ME3: variants seen among roughly 807,000 people sequenced by gnomAD.
ME3 encodes malic enzyme 3.
ME3 carries 48 observed loss-of-function variants against 68.9 expected under a neutral mutation model. The ratio of observed to expected loss-of-function variants is 0.70; its 90% confidence interval spans 0.55 to 0.89. The LOEUF is 0.89. Among genes scored for constraint, ME3 ranks in the 40% least tolerant of loss-of-function variants. The pLI, the probability that ME3 is intolerant of heterozygous loss-of-function variation, is 0.00. For synonymous variants in ME3, 320 were observed against 318.8 expected, an observed-to-expected ratio of 1.00 and a Z score of -0.04; for missense variants, 675 against 797.4, an observed-to-expected ratio of 0.85 and a Z score of 1.85.
At chr11:86,574,405 G>C (rs923908989) in intron 2 of ME3, among the ~76,000 whole-genome samples, 4 of 149,086 alleles carry the variant, frequency 2.7e-5, no homozygotes, top group South Asian at 2.2e-4. Context: ...GCCGGGGGGG[G>C]GGGGGGTGTC....
chr11:86,455,673 C>T (rs1949877093), intron 8 of ME3, among the ~76,000 whole-genome samples: 1 of 152,160 alleles, frequency 6.6e-6, no homozygotes, highest in African/African-American at 2.4e-5. Context: ...GACCATTTTG[C>T]AGTTCATTAT....
chr11:86,598,792 C>T (rs562320741), intron 2 of ME3, among the ~76,000 whole-genome samples: 28 of 152,276 alleles, frequency 1.8e-4, no homozygotes, highest in African/African-American at 3.1e-4. Context: ...TCGCGGATCA[C>T]GAAAATCCAC....
At chr11:86,579,509 C>CT (rs1311077828) in intron 2 of ME3, among the ~76,000 whole-genome samples, 2 of 152,196 alleles carry the variant, frequency 1.3e-5, no homozygotes, top group Non-Finnish European at 2.9e-5. Context: ...TGTCATGTGT[C>CT]TAGCTACTGG....
intron 2 of ME3, among the ~76,000 whole-genome samples, chr11:86,669,333 T>G (rs772412819): frequency 5.3e-5 from 8 of 152,284 alleles, no homozygotes; most frequent in Non-Finnish European, 1.0e-4. Flanking sequence ...AAAGGTCAGG[T>G]CCTTAGATTT....
intron 4 of ME3, among the ~76,000 whole-genome samples, chr11:86,518,114 G>A (rs182937042): frequency 1.3e-5 from 2 of 152,312 alleles, no homozygotes; most frequent in African/African-American, 4.8e-5. Flanking sequence ...AGCCATTTGA[G>A]TTATATCCCT....
intron 5 of ME3, among the ~76,000 whole-genome samples, chr11:86,502,510 T>A (rs1952793175): frequency 6.6e-6 from 1 of 152,230 alleles, no homozygotes; most frequent in African/African-American, 2.4e-5. Flanking sequence ...CAAAGTGTCT[T>A]CTGCGCTGAA....
At chr11:86,585,292 A>C (rs1958667218) in intron 2 of ME3, among the ~76,000 whole-genome samples, 1 of 152,244 alleles carries the variant, frequency 6.6e-6, no homozygotes, top group African/African-American at 2.4e-5. Flanking sequence ...GGGTCCAAGA[A>C]TGTGCTGATA....
downstream of ME3, among the ~76,000 whole-genome samples, chr11:86,438,418 A>G (rs1175748535): frequency 6.6e-6 from 1 of 152,082 alleles, no homozygotes; most frequent in Non-Finnish European, 1.5e-5. Flanking sequence ...ATCTATATTC[A>G]TGAAGGATAT....
chr11:86,552,849 C>T (rs967216608), intron 4 of ME3, among the ~76,000 whole-genome samples: 7 of 152,184 alleles, frequency 4.6e-5, no homozygotes, highest in African/African-American at 1.2e-4. Context: ...GGTCTAAAGG[C>T]GGGTGCAGCA....
chr11:86,628,203 C>A (rs1327154357), intron 2 of ME3, among the ~76,000 whole-genome samples: 4 of 152,178 alleles, frequency 2.6e-5, no homozygotes, highest in Non-Finnish European at 4.4e-5. Flanking sequence ...GGAGTCAATC[C>A]TTTGGCTCGC....
At chr11:86,642,009 G>C (rs1334556905) in intron 2 of ME3, among the ~76,000 whole-genome samples, 1 of 152,058 alleles carries the variant, frequency 6.6e-6, no homozygotes, top group African/African-American at 2.4e-5. Flanking sequence ...GGTTCATAAA[G>C]ACAAACTAAG....
At chr11:86,562,159 G>A (rs1003495463) in intron 2 of ME3, among the ~76,000 whole-genome samples, 3 of 151,974 alleles carry the variant, frequency 2.0e-5, no homozygotes, top group Admixed American at 6.6e-5. Flanking sequence ...TCATACAATT[G>A]GAAGCATAAA....
intron 2 of ME3, among the ~76,000 whole-genome samples, chr11:86,566,803 G>A (rs897655343): frequency 6.6e-6 from 1 of 152,102 alleles, no homozygotes; most frequent in Non-Finnish European, 1.5e-5. Context: ...TTGACTAGAG[G>A]TAAGTGATAA....
At chr11:86,653,986 G>C (rs923491202) in intron 2 of ME3, among the ~76,000 whole-genome samples, 10 of 152,118 alleles carry the variant, frequency 6.6e-5, no homozygotes, top group African/African-American at 2.4e-4. Flanking sequence ...AAATAAACTA[G>C]AAAATCTAGA....
Position 86,520,841 on chromosome 11 carries a change from C to T in ME3, c.468-11974G>A, listed in dbSNP as rs575939906. 3.9e-5 allele frequency among the ~76,000 whole-genome samples: 6 copies of T among 152,306 alleles called. 1 individual carries two copies. The South Asian group carries it at 6.2e-4, about 16-fold the overall frequency. On this transcript the variant is annotated intron_variant, in intron 4 of 14. Coordinates refer to ENST00000543262, the Ensembl canonical transcript of ME3. ...AACAAGGGCAATGTAAGTTTTTCTA[C>T]GACTATATCTAACTATGTGAGTTTG...
intron 4 of ME3, among the ~76,000 whole-genome samples, chr11:86,553,445 A>C (rs1361225090): frequency 1.3e-5 from 2 of 152,140 alleles, no homozygotes; most frequent in East Asian, 1.9e-4. Context: ...TCCACAAAGT[A>C]AGTCCAAGCC....
chr11:86,537,742 G>A (rs902931794), intron 4 of ME3, among the ~76,000 whole-genome samples: 13 of 152,202 alleles, frequency 8.5e-5, no homozygotes, highest in Admixed American at 7.9e-4. Flanking sequence ...AGTGCAGGGA[G>A]TTGTCTAGGA....
At chr11:86,561,469 A>G (rs1263538029) in intron 2 of ME3, among the ~76,000 whole-genome samples, 5 of 152,202 alleles carry the variant, frequency 3.3e-5, no homozygotes, top group African/African-American at 4.8e-5. Flanking sequence ...GTATAACCAC[A>G]TATCTATAAA....
chr11:86,554,885 T>C (rs1196984721), intron 4 of ME3, among the ~76,000 whole-genome samples: 2 of 152,202 alleles, frequency 1.3e-5, no homozygotes, highest in African/African-American at 2.4e-5. Context: ...AAGACAGTTA[T>C]ATACAAACAA....
Sources: gnomAD v4.1 joint callset for allele counts (sites outside exome capture counted in the v4.1 genomes callset) on GRCh38, gnomAD v4.1.1 for gene constraint, MANE v1.5 for transcripts, NCBI Gene and HGNC (gene_info 2026-07-23, HGNC 2026-07-21) for gene names.